The following GCFC2 variants were observed in gnomAD, a reference collection of about 807,000 sequenced individuals.
GCFC2 encodes intron Large complex component GCFC2.
A neutral mutation model predicts 99.4 loss-of-function variants in GCFC2; 102 were observed. The ratio of observed to expected loss-of-function variants is 1.03; its 90% confidence interval spans 0.87 to 1.21. The LOEUF is 1.21. GCFC2 is among the 50% of genes most tolerant of loss of function. GCFC2 has a pLI of 0.00. For missense variants in GCFC2, 973 were observed against 920.9 expected (o/e 1.06, Z -0.73); for synonymous variants, 338 against 316.8 (o/e 1.07, Z -0.71).
intron 12 of GCFC2, among the ~76,000 whole-genome samples, chr2:75,679,537 T>C (rs1679479719): frequency 6.6e-6 from 1 of 152,240 alleles, no homozygotes; most frequent in African/African-American, 2.4e-5. Context: ...TTCTAGATCA[T>C]TGTAAGATTA....
At chr2:75,684,324 C>T (rs1182304468) in intron 11 of GCFC2, among the ~76,000 whole-genome samples, 1 of 152,172 alleles carries the variant, frequency 6.6e-6, no homozygotes, top group Non-Finnish European at 1.5e-5. Context: ...GATTAAGAAA[C>T]TCACTCAAAA....
In GCFC2 at chr2:75,689,981, G is replaced by A. The variant is rs1444161869; in HGVS notation, c.1327C>T (p.Gln443Ter). 1.4e-5 allele frequency: 22 copies of A among 1,578,638 alleles called. No homozygotes were observed. The highest frequency in any genetic ancestry group is 3.4e-5 in the South Asian group (3 of 88,198). ...ELPSAEMIDF[Q>*]KSQGDILQKQ... is the part of the protein sequence containing the mutation. The stretch of plus-strand genomic sequence containing the variant: ...CTTGGTAACTGACCTTGGCTTTTTT[G>A]GAAGTCAATCATCTCTGCTGAAGGC... The change falls in exon 9 of 17, where the codon CAA becomes TAA. Residue 443 changes from glutamine (Q) to a stop codon, truncating the protein, a stop_gained. Transcript: ENST00000321027. LOFTEE classifies it high-confidence loss of function.
At chr2:75,669,354 C>T (rs1678983697) in intron 15 of GCFC2, among the ~76,000 whole-genome samples, 1 of 152,110 alleles carries the variant, frequency 6.6e-6, no homozygotes, top group Non-Finnish European at 1.5e-5. Flanking sequence ...TGAACACATT[C>T]CCCAGTTTTA....
At chr2:75,685,668 T>C (rs1248809875) in intron 11 of GCFC2, among the ~76,000 whole-genome samples, 1 of 152,156 alleles carries the variant, frequency 6.6e-6, no homozygotes. Context: ...TCGCTTGGTA[T>C]TCAAAGTCAA....
chr2:75,695,778 G>A (rs751425490), intron 5 of GCFC2, among the ~76,000 whole-genome samples: 6 of 152,174 alleles, frequency 3.9e-5, no homozygotes, highest in Non-Finnish European at 7.3e-5. Flanking sequence ...TCTGATAACT[G>A]AGATGGTTAC....
At chr2:75,690,366 G>A (rs958546196) in intron 8 of GCFC2, 1 of 499,706 alleles carries the variant, frequency 2.0e-6, no homozygotes, top group Non-Finnish European at 3.5e-6. Flanking sequence ...TTCCGAAGAG[G>A]GGGTAATTAT....
At chr2:75,687,116 A>G (rs1027414401) in intron 11 of GCFC2, among the ~76,000 whole-genome samples, 3 of 152,074 alleles carry the variant, frequency 2.0e-5, no homozygotes, top group African/African-American at 7.2e-5. Flanking sequence ...TTGTATTTTT[A>G]GTAGAGACGA....
Position 75,664,455 on chromosome 2 carries a change from C to G in GCFC2, c.*211G>C, listed in dbSNP as rs532227404. 3.9e-4 allele frequency: 125 copies of G among 321,140 alleles called. No individual in the cohort carries two copies. Among genetic ancestry groups the G allele is most frequent in the African/African-American group, 2.1e-3 (96 of 46,476 alleles). 19.9% of individuals were successfully genotyped at this position (321,140 alleles called of 1,614,324 possible). On this transcript the variant is annotated 3_prime_UTR_variant, in exon 17 of 17. Transcript: ENST00000321027. ...ACGTTGAGCTCTTAAAGCTCCAGTG[C>G]ATTTAATTCCTTAGAACACCACAGA... is the stretch of plus-strand genomic sequence containing the variant.
At chr2:75,672,691 T>C (rs1010585555) in intron 13 of GCFC2, among the ~76,000 whole-genome samples, 2 of 152,166 alleles carry the variant, frequency 1.3e-5, no homozygotes, top group Non-Finnish European at 2.9e-5. Context: ...TTCCTCAGCA[T>C]TGTGCTTCCT....
intron 1 of GCFC2, among the ~76,000 whole-genome samples, chr2:75,707,662 T>TA (rs1375985323): frequency 6.6e-6 from 1 of 152,226 alleles, no homozygotes; most frequent in Non-Finnish European, 1.5e-5. Flanking sequence ...CAGTGGGTCT[T>TA]AAAGCATGGT....
rs1213445737 is a variant in GCFC2 at position 75,694,286 on chromosome 2, G to A, written c.975C>T (p.Ser325=). The A allele has an allele frequency of 4.3e-6, 5 of 1,174,572 alleles. No individual in the cohort carries two copies. The South Asian group carries it at 4.3e-5, about 10-fold the overall frequency. The allele number at this position is 1,174,572 out of a possible 1,614,324, so 72.8% of individuals were successfully genotyped here. A position where few individuals can be genotyped will look rare whatever the true frequency, so the allele number is the denominator to read the frequency against. ...TTAAATTTTCCACATAAATTTTCAT[G>A]CTTTTATAGAATTTACAATTTAGAG... The part of the protein sequence containing the change: ...NQALNCKFYK[S]MKIYVENLID... Residue 325 remains serine (S), a synonymous_variant, in exon 6 of 17, where the codon AGC becomes AGT. Transcript: ENST00000321027.
rs1466111583 is a variant in GCFC2 at position 75,706,600 on chromosome 2, G to A, written c.317C>T (p.Ser106Phe). The change falls in exon 2 of 17, where the codon TCC becomes TTC. Residue 106 changes from serine (S) to phenylalanine (F), a missense_variant. Physicochemically the swap from Ser to Phe is radical, Grantham distance 155 (BLOSUM62 -2). Transcript: ENST00000321027. ...STDEEDKIHH[S>F]SESKDDQGLS... ...ACCCTGATCATCCTTACTTTCTGAGGAGTGATGTATTTTATCCTCTTCATC... is the reference window on the plus strand; with the variant it reads ...ACCCTGATCATCCTTACTTTCTGAGAAGTGATGTATTTTATCCTCTTCATC... 1.3e-6 allele frequency: 2 copies of A among 1,594,532 alleles called. No homozygotes were observed. The highest frequency in any genetic ancestry group is 1.1e-5 in the South Asian group (1 of 90,632).
intron 4 of GCFC2, among the ~76,000 whole-genome samples, 153 bp from the exon 5 acceptor site, chr2:75,696,468 T>C (rs1680330674): frequency 6.6e-6 from 1 of 152,230 alleles, no homozygotes; most frequent in African/African-American, 2.4e-5. Context: ...AAAATGTTTT[T>C]AAATTCAGTT....
intron 12 of GCFC2, 26 bp from the exon 13 acceptor site, chr2:75,673,546 C>G (rs751086997): frequency 1.1e-6 from 1 of 943,888 alleles, no homozygotes; most frequent in South Asian, 1.3e-5. Context: ...TGAAAAGCAT[C>G]AGTGATAGAA....
rs78356994 is a variant in GCFC2, at chr2:75,676,810, G to C, written c.1813-3290C>G. On this transcript the variant is annotated intron_variant, in intron 12 of 16. Transcript: ENST00000321027. ...TGCATTTATTTTTTCACAATTTCTT[G>C]AATCAGTCAATTTTCTACAATCTTT... 9.3e-3 allele frequency among the ~76,000 whole-genome samples: 1,415 copies of C among 152,168 alleles called. 10 individuals carry two copies. The highest frequency in any genetic ancestry group is 0.028 in the South Asian group (134 of 4,818).
rs370174661 is a variant in GCFC2 at position 75,702,440 on chromosome 2, C to A, written c.395-17G>T. On this transcript the variant is annotated splice_polypyrimidine_tract_variant and intron_variant, in intron 2 of 16. Transcript: ENST00000321027. ...GGATCTTAACTGAAGGAAACAAAGA[C>A]GAGGACACTAAAAACCAAAGACCAA... is the stretch of plus-strand genomic sequence containing the variant. 2.5e-6 allele frequency: 4 copies of A among 1,599,558 alleles called. No homozygotes were observed. Among genetic ancestry groups the A allele is most frequent in the South Asian group, 1.1e-5 (1 of 89,250 alleles).
chr2:75,677,900 C>G (rs1474740301), intron 12 of GCFC2, among the ~76,000 whole-genome samples: 1 of 151,876 alleles, frequency 6.6e-6, no homozygotes, highest in African/African-American at 2.4e-5. Flanking sequence ...ATTGCTTGAA[C>G]CTGGGAGGCG....
At chr2:75,669,336 G>A (rs1203162201) in intron 15 of GCFC2, among the ~76,000 whole-genome samples, 2 of 152,036 alleles carry the variant, frequency 1.3e-5, no homozygotes, top group Non-Finnish European at 2.9e-5. Flanking sequence ...ATAGTATAAT[G>A]AGCCCAATGA....
intron 4 of GCFC2, among the ~76,000 whole-genome samples, chr2:75,698,396 TA>T (rs996516105): frequency 6.6e-6 from 1 of 152,082 alleles, no homozygotes; most frequent in African/African-American, 2.4e-5. Context: ...ATTTGTTAAT[TA>T]AAAAAATCAG....
Sources: gnomAD v4.1 joint callset for allele counts (sites outside exome capture counted in the v4.1 genomes callset) on GRCh38, gnomAD v4.1.1 for gene constraint, MANE v1.5 for transcripts, NCBI Gene and HGNC (gene_info 2026-07-23, HGNC 2026-07-21) for gene names.